The following MYH9 variants were observed in gnomAD, a reference collection of about 807,000 sequenced individuals.
The protein encoded by MYH9 is myosin heavy chain 9, also known as myosin-9.
A neutral mutation model predicts 241.9 loss-of-function variants in MYH9; 29 were observed. That is an observed-to-expected ratio of 0.12 (90% CI 0.09 to 0.16). The LOEUF (loss-of-function observed/expected upper bound fraction) is 0.16, where lower values mean the gene tolerates loss of function less well. Ranked by LOEUF, MYH9 falls within the 10% of genes least tolerant of loss-of-function variation. The probability of loss-of-function intolerance (pLI) is 1.00; values close to 1 mark genes in which losing one functional copy is unlikely to be tolerated. For missense variants in MYH9, 1,803 were observed against 2,595.5 expected (o/e 0.69, Z 6.63); for synonymous variants, 1,047 against 1,062.6 (o/e 0.99, Z 0.29).
At position 36,309,298 on chromosome 22, in the gene MYH9, C is replaced by G. The variant is rs375576418; in HGVS notation, c.1827G>C (p.Ser609=). The change falls in exon 15 of 41, where the codon TCG becomes TCC. Residue 609 remains serine, a synonymous_variant. Coordinates refer to ENST00000216181, the MANE Select transcript of MYH9 (RefSeq NM_002473.6). ...LLHQSSDKFV[S]ELWKDVDRII... ...AGGGCGTACCATCCTTCCACAGCTC[C>G]GAGACAAACTTGTCAGAGGACTGGT... is the stretch of plus-strand genomic sequence containing the variant. 6.2e-7 allele frequency: 1 copy of G among 1,614,106 alleles called. No homozygotes were observed. The highest frequency in any genetic ancestry group is 1.1e-5 in the South Asian group (1 of 91,080).
chr22:36,314,387 G>A, intron 12 of MYH9, 69 bp from the exon 13 acceptor site: 2 of 1,587,578 alleles, frequency 1.3e-6, no homozygotes, highest in Non-Finnish European at 1.7e-6. Flanking sequence ...CACCCCTTGA[G>A]AAGGAGGGTG....
At chr22:36,357,355 C>T (rs972264924) in intron 1 of MYH9, among the ~76,000 whole-genome samples, 1 of 152,134 alleles carries the variant, frequency 6.6e-6, no homozygotes, top group Non-Finnish European at 1.5e-5. Flanking sequence ...GAAGAAGGTA[C>T]GATCGCTCAA....
chr22:36,291,978 C>A lies in MYH9; in HGVS notation c.4344+8G>T. 6.2e-7 allele frequency: 1 copy of A among 1,614,152 alleles called. No homozygotes were observed. Among genetic ancestry groups the A allele is most frequent in the Non-Finnish European group, 8.5e-7 (1 of 1,180,044 alleles). ...GAAATGCAAAGGATGGGGCCAACGG[C>A]CACACACCTGGTCAAACTTCTTCTG... is the stretch of plus-strand genomic sequence containing the variant. On this transcript the variant is annotated splice_region_variant and intron_variant, in intron 31 of 40. Transcript: ENST00000216181.
At chr22:36,354,893 A>C (rs868038592) in intron 1 of MYH9, among the ~76,000 whole-genome samples, 2 of 151,834 alleles carry the variant, frequency 1.3e-5, no homozygotes, top group African/African-American at 2.4e-5. Context: ...CAGGATGTAC[A>C]TGTGAAAGCA....
At chr22:36,353,979 C>A (rs1450226221) in intron 1 of MYH9, among the ~76,000 whole-genome samples, 2 of 152,240 alleles carry the variant, frequency 1.3e-5, no homozygotes, top group Non-Finnish European at 2.9e-5. Flanking sequence ...CGGCTCACTG[C>A]AACCTCCATC....
intron 3 of MYH9, among the ~76,000 whole-genome samples, chr22:36,339,337 G>T (rs963966971): frequency 6.6e-6 from 1 of 152,162 alleles, no homozygotes; most frequent in Non-Finnish European, 1.5e-5. Context: ...TTTTGCACTA[G>T]GCCAATTAAG....
At chr22:36,297,356 T>C (rs1006026895) in intron 24 of MYH9, 10 of 290,770 alleles carry the variant, frequency 3.4e-5, no homozygotes, top group African/African-American at 2.0e-4. Context: ...TCTGAACTTA[T>C]ATAATGGAAC....
Position 36,313,215 on chromosome 22 carries a change from G to A in MYH9, c.1554+930C>T, listed in dbSNP as rs530034853. Among the ~76,000 whole-genome samples the A allele has an allele frequency of 2.6e-5, 4 of 152,020 alleles. No individual in the cohort carries two copies. In the South Asian group the frequency reaches 8.3e-4, roughly 32 times the overall value. On this transcript the variant is annotated intron_variant, in intron 13 of 40. Transcript: ENST00000216181. ...GCGGTGGCTCACACCTGTAATCCCA[G>A]TACTTTGGGAGGCCGAGGAGGGCAA... is the stretch of plus-strand genomic sequence containing the variant.
chr22:36,300,825 C>A lies in MYH9; in HGVS notation c.2838+26G>T. The A allele has an allele frequency of 1.3e-6, 2 of 1,599,158 alleles. No homozygotes were observed. Among genetic ancestry groups the A allele is most frequent in the South Asian group, 2.2e-5 (2 of 91,084 alleles). Reference sequence around the variant, plus strand: ...CCCGCCCTGCCCCTCCGGCGCCACCCCTCCCCGGGTGCAGCGGGCAGGAAC... The same window carrying A: ...CCCGCCCTGCCCCTCCGGCGCCACCACTCCCCGGGTGCAGCGGGCAGGAAC... On this transcript the variant is annotated intron_variant, in intron 22 of 40. Coordinates refer to ENST00000216181, the MANE Select transcript of MYH9 (RefSeq NM_002473.6). The surrounding 1 kb of genome is among the most constrained non-coding windows in gnomAD (Gnocchi z 5.0).
Position 36,305,599 on chromosome 22 carries a change from G to A in MYH9, c.2159+331C>T, listed in dbSNP as rs2016955839. On this transcript the variant is annotated intron_variant, in intron 17 of 40. Coordinates refer to ENST00000216181, the MANE Select transcript of MYH9 (RefSeq NM_002473.6). The surrounding 1 kb of genome is among the most constrained non-coding windows in gnomAD (Gnocchi z 4.7). ...CGTGTTTCATTTCCACAAAGTTCCT[G>A]TAATATCCTAGGTCTCTGGCTGATT... Among the ~76,000 whole-genome samples the A allele has an allele frequency of 6.6e-6, 1 of 152,210 alleles. No individual in the cohort carries two copies. The highest frequency in any genetic ancestry group is 2.1e-4 in the South Asian group (1 of 4,824).
chr22:36,298,720 G>T (rs76540000), intron 24 of MYH9, among the ~76,000 whole-genome samples, 199 bp downstream of exon 24: 1 of 152,214 alleles, frequency 6.6e-6, no homozygotes, highest in Non-Finnish European at 1.5e-5. Flanking sequence ...TGGAGGCTCA[G>T]GTTCCCGCAG....
At chr22:36,351,833 C>T (rs939769948) in intron 1 of MYH9, among the ~76,000 whole-genome samples, 2 of 152,036 alleles carry the variant, frequency 1.3e-5, no homozygotes, top group Admixed American at 6.5e-5. Context: ...TTGCTGACCC[C>T]GCCAATGAAC....
chr22:36,284,007 G>A (rs1472779880), intron 40 of MYH9, 86 bp downstream of exon 40: 4 of 1,516,878 alleles, frequency 2.6e-6, no homozygotes, highest in Non-Finnish European at 2.7e-6. Flanking sequence ...TGACATTCGT[G>A]CCTTGCTTGT....
intron 2 of MYH9, among the ~76,000 whole-genome samples, chr22:36,348,052 AAAT>A (rs1410870238): frequency 6.9e-6 from 1 of 145,246 alleles, no homozygotes; most frequent in South Asian, 2.1e-4. Flanking sequence ...ATAATATAAT[AAAT>A]AATAAATAAA....
rs182274733 is a variant in MYH9, at chr22:36,337,776, G to T, written c.490+3594C>A. Among the ~76,000 whole-genome samples the T allele has an allele frequency of 2.6e-3, 391 of 152,244 alleles. 2 individuals carry two copies. Among genetic ancestry groups the T allele is most frequent in the African/African-American group, 8.4e-3 (350 of 41,542 alleles). On this transcript the variant is annotated intron_variant, in intron 3 of 40. Transcript: ENST00000216181. ...ACTAAGACTTCACTCCAAAAGACAG[G>T]AGCAGATTTTAACAGCCTGCAGACC...
intron 3 of MYH9, among the ~76,000 whole-genome samples, chr22:36,336,067 CAG>C (rs2017493266): frequency 6.6e-6 from 1 of 152,166 alleles, no homozygotes; most frequent in Admixed American, 6.5e-5. Context: ...GAGACTGGCA[CAG>C]AGCAAAGGGT....
At chr22:36,318,483 C>T (rs1012916919) in intron 10 of MYH9, among the ~76,000 whole-genome samples, 158 bp from the exon 11 acceptor site, 1 of 152,198 alleles carries the variant, frequency 6.6e-6, no homozygotes, top group Non-Finnish European at 1.5e-5. Context: ...CCAGGACAAC[C>T]GCATCTGGGC....
chr22:36,376,543 A>G (rs938380541), intron 1 of MYH9, among the ~76,000 whole-genome samples: 2 of 152,214 alleles, frequency 1.3e-5, no homozygotes, highest in African/African-American at 4.8e-5. Flanking sequence ...AGTGCAGACC[A>G]CATAGCTGGA....
chr22:36,309,318 A>T lies in MYH9; in HGVS notation c.1807T>A (p.Ser603Thr). The T allele has an allele frequency of 1.2e-6, 2 of 1,614,120 alleles. No individual in the cohort carries two copies. The highest frequency in any genetic ancestry group is 1.7e-6 in the Non-Finnish European group (2 of 1,180,016). The change falls in exon 15 of 41, where the codon TCC (serine) becomes ACC (threonine). Residue 603 changes from serine (S) to threonine (T), a missense_variant. This residue lies in a region of MYH9 where 163 missense variants were observed against 349.7 expected (regional missense o/e 0.47). Transcript: ENST00000216181. Reference sequence around the variant, plus strand: ...AGCTCCGAGACAAACTTGTCAGAGGACTGGTGGAGCAGTGTGGCGATGTTG... The same window carrying T: ...AGCTCCGAGACAAACTTGTCAGAGGTCTGGTGGAGCAGTGTGGCGATGTTG... ...NDNIATLLHQ[S>T]SDKFVSELWK... is the part of the protein sequence containing the mutation.
Sources: gnomAD v4.1 joint callset for allele counts (sites outside exome capture counted in the v4.1 genomes callset) on GRCh38, gnomAD v4.1.1 for gene constraint, gnomAD v4.1.1 regional missense constraint, Gnocchi (gnomAD v3.1) non-coding constraint, MANE v1.5 for transcripts, NCBI Gene and HGNC (gene_info 2026-07-23, HGNC 2026-07-21) for gene names.